Variants in TENM2 observed in about 807,000 individuals in gnomAD.
TENM2 encodes teneurin transmembrane protein 2.
In TENM2, 52 loss-of-function variants were observed where a neutral mutation model predicts 245.2. The observed-to-expected ratio is 0.21, with a 90% CI of 0.17 to 0.27. The LOEUF is 0.27. Ranked by LOEUF, TENM2 falls within the 10% of genes least tolerant of loss-of-function variation. The probability of loss-of-function intolerance (pLI) is 1.00; values close to 1 mark genes in which losing one functional copy is unlikely to be tolerated. For synonymous variants in TENM2, 1,363 were observed against 1,438.9 expected, an observed-to-expected ratio of 0.95 and a Z score of 1.19; for missense variants, 3,046 against 3,666.8, an observed-to-expected ratio of 0.83 and a Z score of 4.37.
In TENM2 at chr5:167,301,843, G is replaced by A. The variant is rs1755345173; in HGVS notation, c.226+16780G>A. Among the ~76,000 whole-genome samples, 4 of 152,108 alleles carry A rather than the reference G, an allele frequency of 2.6e-5. No homozygotes were observed. In the South Asian group the frequency reaches 8.3e-4, roughly 32 times the overall value. ...AGAGTAAATTGCTGGGCAGGTGGGGGAGGGCTAGTCACAGAACAAAACTGT... is the reference window on the plus strand; with the variant it reads ...AGAGTAAATTGCTGGGCAGGTGGGGAAGGGCTAGTCACAGAACAAAACTGT... On this transcript the variant is annotated intron_variant, in intron 1 of 28. Transcript: ENST00000518659.
At chr5:168,058,136 G>T (rs247997) in intron 6 of TENM2, among the ~76,000 whole-genome samples, 1 of 152,032 alleles carries the variant, frequency 6.6e-6, no homozygotes, top group African/African-American at 2.4e-5. Context: ...TGAGTTATGC[G>T]TGACAGGATG....
At chr5:168,235,378 G>A (rs1344194922) in intron 25 of TENM2, among the ~76,000 whole-genome samples, 1 of 152,210 alleles carries the variant, frequency 6.6e-6, no homozygotes, top group Non-Finnish European at 1.5e-5. Context: ...ATTAAATAAT[G>A]TATTCCCCAA....
rs1761131306 is a variant in TENM2 at position 167,382,213 on chromosome 5, A to T, written c.502+6740A>T. On this transcript the variant is annotated intron_variant, in intron 2 of 28. Coordinates refer to ENST00000518659, the Ensembl canonical transcript of TENM2. ...GAAGAAAACCCCAGGGCTTTTCAGG[A>T]GGAAGCCATTTAAAGAGGAGGAAAA... 2.0e-5 allele frequency among the ~76,000 whole-genome samples: 3 copies of T among 152,192 alleles called. No homozygotes were observed. In the South Asian group the frequency reaches 6.2e-4, roughly 32 times the overall value.
chr5:167,265,397 A>G, the TENM2 span, among the ~76,000 whole-genome samples: 9 of 151,166 alleles, frequency 6.0e-5, no homozygotes, highest in African/African-American at 1.9e-4. Context: ...GGTTTGCTCG[A>G]TGAATGCTAG....
At chr5:167,485,472 T>C (rs868250332) in intron 2 of TENM2, among the ~76,000 whole-genome samples, 5 of 152,194 alleles carry the variant, frequency 3.3e-5, no homozygotes, top group African/African-American at 1.2e-4. Context: ...TAAAAGCAAC[T>C]GCTAAATAAA....
chr5:167,198,843 C>G, the TENM2 span, among the ~76,000 whole-genome samples: 8 of 151,988 alleles, frequency 5.3e-5, no homozygotes, highest in African/African-American at 1.9e-4. Context: ...CTTGCTACAG[C>G]AACAGCGGCA....
chr5:167,507,820 C>T (rs1769657906), intron 2 of TENM2, among the ~76,000 whole-genome samples: 1 of 152,030 alleles, frequency 6.6e-6, no homozygotes, highest in Non-Finnish European at 1.5e-5. Flanking sequence ...TCTTTTTCCT[C>T]TTGTTTTGTT....
intron 5 of TENM2, among the ~76,000 whole-genome samples, chr5:168,008,509 A>T (rs1351016537): frequency 2.6e-5 from 4 of 152,148 alleles, no homozygotes; most frequent in Non-Finnish European, 5.9e-5. Context: ...AGGATTCAGG[A>T]TAGATTGGGA....
chr5:167,748,198 T>A (rs1258321145), intron 2 of TENM2, among the ~76,000 whole-genome samples: 5 of 152,178 alleles, frequency 3.3e-5, no homozygotes, highest in Non-Finnish European at 7.4e-5. Flanking sequence ...TCTTTTTTGG[T>A]AAGAAGAGCA....
chr5:167,820,535 C>T (rs1767434842), intron 2 of TENM2, among the ~76,000 whole-genome samples: 1 of 152,284 alleles, frequency 6.6e-6, no homozygotes, highest in East Asian at 1.9e-4. Flanking sequence ...GGAGGAACTC[C>T]AGAGGAAGGT....
intron 2 of TENM2, among the ~76,000 whole-genome samples, chr5:167,445,336 T>TATATATATAGAG (rs368881390): frequency 6.0e-4 from 46 of 77,290 alleles, no homozygotes; most frequent in African/African-American, 1.6e-3. Context: ...TATATATATA[T>TATATATATAGAG]AGAGAGAGAG....
chr5:167,455,403 A>G (rs901896865), intron 2 of TENM2, among the ~76,000 whole-genome samples: 2 of 148,948 alleles, frequency 1.3e-5, no homozygotes, highest in African/African-American at 5.0e-5. Flanking sequence ...GAAATGCTTC[A>G]TTTCTAGGAG....
chr5:167,344,938 G>A (rs192228516), intron 1 of TENM2, among the ~76,000 whole-genome samples: 1 of 152,194 alleles, frequency 6.6e-6, no homozygotes, highest in Admixed American at 6.5e-5. Flanking sequence ...TGTCTTCCTG[G>A]TGTTTCAGAC....
chr5:168,175,317 C>T (rs1038893376), intron 13 of TENM2, among the ~76,000 whole-genome samples: 7 of 152,160 alleles, frequency 4.6e-5, no homozygotes, highest in African/African-American at 1.4e-4. Flanking sequence ...ATCAAAAACT[C>T]ATCATTTCAA....
chr5:167,888,395 A>C (rs986185758), intron 3 of TENM2, among the ~76,000 whole-genome samples: 1 of 152,204 alleles, frequency 6.6e-6, no homozygotes, highest in Non-Finnish European at 1.5e-5. Flanking sequence ...AATAAATATT[A>C]GGTGAATTAA....
At chr5:167,823,357 T>C (rs1030571375) in intron 2 of TENM2, among the ~76,000 whole-genome samples, 1 of 152,134 alleles carries the variant, frequency 6.6e-6, no homozygotes, top group Non-Finnish European at 1.5e-5. Context: ...TGTGCATATA[T>C]GTAATTATAC....
intron 2 of TENM2, among the ~76,000 whole-genome samples, chr5:167,556,041 T>C (rs1773241229): frequency 6.6e-6 from 1 of 152,082 alleles, no homozygotes; most frequent in Non-Finnish European, 1.5e-5. Context: ...CTTATTAAAT[T>C]TCCTATGAAC....
intron 7 of TENM2, among the ~76,000 whole-genome samples, chr5:168,077,427 T>C (rs1358989828): frequency 1.3e-5 from 2 of 151,752 alleles, no homozygotes; most frequent in Non-Finnish European, 2.9e-5. Flanking sequence ...AGTCTCCCAC[T>C]CTTTTTTTTT....
intron 5 of TENM2, among the ~76,000 whole-genome samples, chr5:168,042,669 C>A (rs1015192343): frequency 6.6e-6 from 1 of 152,162 alleles, no homozygotes; most frequent in Non-Finnish European, 1.5e-5. Context: ...TTGGAACCCA[C>A]CTGGCACAAA....
Sources: allele counts gnomAD v4.1 joint callset (sites outside exome capture counted in the v4.1 genomes callset), GRCh38; gene constraint gnomAD v4.1.1; transcripts MANE v1.5; gene names NCBI Gene and HGNC (gene_info 2026-07-23, HGNC 2026-07-21).